SH3KBP1: variants seen among roughly 807,000 people sequenced by gnomAD.
SH3KBP1 encodes the protein SH3 domain-containing kinase-binding protein 1.
Under a neutral mutation model 50.1 loss-of-function variants are expected in SH3KBP1, and 8 were observed. The ratio of observed to expected loss-of-function variants is 0.16; its 90% CI spans 0.09 to 0.29. SH3KBP1 has a LOEUF of 0.29. Among genes scored for constraint, SH3KBP1 ranks in the 10% least tolerant of loss-of-function variants. The pLI, the probability that SH3KBP1 is intolerant of heterozygous loss-of-function variation, is 1.00. For synonymous variants in SH3KBP1, 227 were observed against 218.6 expected (o/e 1.04, Z -0.34); for missense variants, 377 against 535.2 (o/e 0.70, Z 2.92).
chrX:19,734,951 A>G (rs2064501298), intron 3 of SH3KBP1, among the ~76,000 whole-genome samples: 1 of 112,248 alleles, frequency 8.9e-6, no homozygotes, highest in Non-Finnish European at 1.9e-5. Flanking sequence ...TTTGGCTATT[A>G]TGAATAATGC....
At chrX:19,537,623 G>T in intron 17 of SH3KBP1, 94 bp downstream of exon 17, 1 of 710,129 alleles carries the variant, frequency 1.4e-6, no homozygotes, top group Non-Finnish European at 2.2e-6. Context: ...TCTGCAGAGA[G>T]GTGACAATCA....
At chrX:19,652,932 G>T (rs1460119637) in intron 6 of SH3KBP1, among the ~76,000 whole-genome samples, 18 of 112,198 alleles carry the variant, frequency 1.6e-4, no homozygotes, top group Admixed American at 1.3e-3. Context: ...TGCCAGTCTA[G>T]AGCCTTGTTA....
At chrX:19,830,773 T>C (rs1361010433) in intron 2 of SH3KBP1, among the ~76,000 whole-genome samples, 4 of 109,959 alleles carry the variant, frequency 3.6e-5, no homozygotes, top group Non-Finnish European at 7.6e-5. Flanking sequence ...AAAAAAGACA[T>C]GGGTGGGGAG....
intron 3 of SH3KBP1, among the ~76,000 whole-genome samples, chrX:19,714,814 T>C (rs1408968457): frequency 8.9e-6 from 1 of 112,497 alleles, no homozygotes; most frequent in Middle Eastern, 4.6e-3. Flanking sequence ...CTGGGGAAAT[T>C]TGAATATGAA....
chrX:19,670,814 A>G (rs1216396059), intron 6 of SH3KBP1: 1 of 1,105,649 alleles, frequency 9.0e-7, no homozygotes, highest in Admixed American at 2.9e-5. Context: ...ATACAGGTTA[A>G]CTGGATTTAT....
intron 12 of SH3KBP1, among the ~76,000 whole-genome samples, chrX:19,583,633 T>C (rs1431697961): frequency 9.1e-6 from 1 of 109,952 alleles, no homozygotes; most frequent in Non-Finnish European, 1.9e-5. Flanking sequence ...CGTTTCCACT[T>C]GCTCAGGCTG....
At chrX:19,770,708 T>A (rs923452716) in intron 2 of SH3KBP1, among the ~76,000 whole-genome samples, 4 of 110,554 alleles carry the variant, frequency 3.6e-5, no homozygotes, top group Non-Finnish European at 3.8e-5. Flanking sequence ...GCATGTTATT[T>A]TTTTTTTTTT....
In SH3KBP1 at chrX:19,642,441, T is replaced by G. The variant is rs193095147; in HGVS notation, c.802+2959A>C. 1.8e-3 allele frequency among the ~76,000 whole-genome samples: 204 copies of G among 112,116 alleles called. 2 individuals are homozygous for G. Among genetic ancestry groups the G allele is most frequent in the African/African-American group, 6.3e-3 (195 of 30,853 alleles). On this transcript the variant is annotated intron_variant, in intron 7 of 17. Coordinates refer to ENST00000397821, the MANE Select transcript of SH3KBP1 (RefSeq NM_031892.3). ...GTCCAGTTAGGAAGTGAGATGAGGT[T>G]CAGCAGGGAAAACAGCCTTTGTCCT...
chrX:19,703,371 A>G (rs1308080954), intron 4 of SH3KBP1, among the ~76,000 whole-genome samples: 1 of 110,814 alleles, frequency 9.0e-6, no homozygotes, highest in African/African-American at 3.3e-5. Context: ...ACAACTAAAG[A>G]AGATAAGGGG....
chrX:19,590,325 G>C (rs1320175743), intron 11 of SH3KBP1, among the ~76,000 whole-genome samples: 1 of 111,262 alleles, frequency 9.0e-6, no homozygotes, highest in Non-Finnish European at 1.9e-5. Context: ...GAATGGAAAA[G>C]GGAGTTTGTG....
intron 2 of SH3KBP1, among the ~76,000 whole-genome samples, chrX:19,772,996 G>C (rs1183595445): frequency 1.8e-5 from 2 of 111,874 alleles, no homozygotes; most frequent in African/African-American, 6.5e-5. Context: ...GGGGTAGCCC[G>C]TTTACAGCGA....
chrX:19,686,648 G>A (rs1010451343), intron 5 of SH3KBP1, among the ~76,000 whole-genome samples: 1 of 111,197 alleles, frequency 9.0e-6, no homozygotes, highest in Admixed American at 9.5e-5. Flanking sequence ...TGCATGTGTA[G>A]TGAGGTCATG....
rs397973698 is a variant in SH3KBP1, at chrX:19,670,839, C to CAAAAAAAAAAAAAAAAAAAAAAAAA, written c.726+12983_726+12984insTTTTTTTTTTTTTTTTTTTTTTTTT. On this transcript the variant is annotated intron_variant, in intron 6 of 17. Coordinates refer to ENST00000397821, the MANE Select transcript of SH3KBP1 (RefSeq NM_031892.3). The stretch of plus-strand genomic sequence containing the variant: ...ACTGGATTTATTACAACTCTAAAAG[C>CAAAAAAAAAAAAAAAAAAAAAAAAA]AAAAAAAAAAAAAAAGAAATACCTC... 1.3e-5 allele frequency: 13 copies of CAAAAAAAAAAAAAAAAAAAAAAAAA among 991,943 alleles called. 1 individual carries two copies. The African/African-American group carries it at 2.1e-4, about 16-fold the overall frequency. The allele number at this position is 991,943 out of a possible 1,213,427, so 81.7% of individuals were successfully genotyped here. A position where few individuals can be genotyped will look rare whatever the true frequency, so the allele number is the denominator to read the frequency against.
chrX:19,628,266 C>G (rs1202905333), intron 8 of SH3KBP1, among the ~76,000 whole-genome samples: 5 of 112,140 alleles, frequency 4.5e-5, no homozygotes, highest in Non-Finnish European at 9.4e-5. Context: ...TCAGACACAA[C>G]AGCCCTTCCA....
intron 2 of SH3KBP1, among the ~76,000 whole-genome samples, chrX:19,826,746 A>G (rs745579503): frequency 9.3e-6 from 1 of 107,962 alleles, no homozygotes; most frequent in Admixed American, 9.9e-5. Flanking sequence ...ATAACATAAC[A>G]TAACACACCC....
At chrX:19,758,172 A>C (rs1281614929) in intron 2 of SH3KBP1, among the ~76,000 whole-genome samples, 1 of 109,367 alleles carries the variant, frequency 9.1e-6, no homozygotes, top group African/African-American at 3.3e-5. Context: ...CTAAAAATAC[A>C]AAAAAAGTAG....
At chrX:19,778,982 A>G (rs992751065) in intron 2 of SH3KBP1, among the ~76,000 whole-genome samples, 2 of 109,178 alleles carry the variant, frequency 1.8e-5, no homozygotes, top group Admixed American at 2.0e-4. Context: ...ATTTTGTTCA[A>G]CAATGAAACC....
intron 2 of SH3KBP1, among the ~76,000 whole-genome samples, chrX:19,814,292 C>T (rs1006735953): frequency 4.5e-5 from 5 of 111,282 alleles, no homozygotes; most frequent in African/African-American, 1.3e-4. Context: ...CCAAACTGCT[C>T]TCCTCGCTTC....
intron 1 of SH3KBP1, among the ~76,000 whole-genome samples, chrX:19,846,716 A>G (rs1297922756): frequency 8.9e-6 from 1 of 112,098 alleles, no homozygotes; most frequent in Non-Finnish European, 1.9e-5. Context: ...GAAATAAAAT[A>G]ATTAGAAAAC....
Sources: allele counts gnomAD v4.1 joint callset (sites outside exome capture counted in the v4.1 genomes callset), GRCh38; gene constraint gnomAD v4.1.1; transcripts MANE v1.5; gene names NCBI Gene and HGNC (gene_info 2026-07-23, HGNC 2026-07-21).